WDR70: variants seen among roughly 807,000 people sequenced by gnomAD.
WDR70 encodes the protein WD repeat-containing protein 70.
A neutral mutation model predicts 88.6 loss-of-function variants in WDR70; 53 were observed. The observed-to-expected ratio is 0.60, with a 90% CI of 0.48 to 0.75. The LOEUF is 0.75. WDR70 is among the 30% of genes least tolerant of loss of function. The pLI is 0.00. For missense variants in WDR70, 610 were observed against 823.2 expected, an observed-to-expected ratio of 0.74 and a Z score of 3.17; for synonymous variants, 280 against 270.0, an observed-to-expected ratio of 1.04 and a Z score of -0.36.
At chr5:37,519,226 C>T (rs538184241) in intron 9 of WDR70, among the ~76,000 whole-genome samples, 1 of 152,158 alleles carries the variant, frequency 6.6e-6, no homozygotes, top group Admixed American at 6.5e-5. Context: ...GGTACACCTC[C>T]CAGATGGGGC....
intron 7 of WDR70, among the ~76,000 whole-genome samples, chr5:37,478,075 T>C (rs1386430723): frequency 6.6e-6 from 1 of 152,232 alleles, no homozygotes; most frequent in African/African-American, 2.4e-5. Context: ...GCATACCACT[T>C]ATCTGATCAA....
At position 37,509,803 on chromosome 5, in the gene WDR70, T is replaced by G. The variant is rs532420205; in HGVS notation, c.841-6711T>G. 2.0e-5 allele frequency among the ~76,000 whole-genome samples: 3 copies of G among 150,166 alleles called. No homozygotes were observed. The South Asian group carries it at 6.3e-4, about 31-fold the overall frequency. On this transcript the variant is annotated intron_variant, in intron 8 of 17. Transcript: ENST00000265107. ...CCCTATAGATTCTTTTTTTTTTTTT[T>G]TTTTTAACAGACTTTCCTTCACTGG...
rs190883838 is a variant in WDR70, at chr5:37,567,838, C to G, written c.918-37226C>G. Among the ~76,000 whole-genome samples, 475 of 152,198 alleles carry G rather than the reference C, an allele frequency of 3.1e-3. 1 individual carries two copies. The highest frequency in any genetic ancestry group is 0.011 in the African/African-American group (447 of 41,546). On this transcript the variant is annotated intron_variant, in intron 9 of 17. Coordinates refer to ENST00000265107, the MANE Select transcript of WDR70 (RefSeq NM_018034.4). Reference sequence around the variant, plus strand: ...TTCCCAAGCTGGAGTTAGGAGAGGTCGTTGTCAGGAGGATCCTGTAGCACT... The same window carrying G: ...TTCCCAAGCTGGAGTTAGGAGAGGTGGTTGTCAGGAGGATCCTGTAGCACT...
At chr5:37,565,064 T>G (rs1412262058) in intron 9 of WDR70, among the ~76,000 whole-genome samples, 1 of 152,168 alleles carries the variant, frequency 6.6e-6, no homozygotes, top group Non-Finnish European at 1.5e-5. Context: ...ACTTAACCAC[T>G]TTACATGACA....
intron 4 of WDR70, 46 bp downstream of exon 4, chr5:37,392,166 G>T: frequency 6.5e-7 from 1 of 1,537,498 alleles, no homozygotes; most frequent in Non-Finnish European, 8.7e-7. Context: ...CAGTTTCTAG[G>T]TGTTTATAGA....
chr5:37,436,613 G>C (rs576717705), intron 5 of WDR70, among the ~76,000 whole-genome samples: 3 of 152,170 alleles, frequency 2.0e-5, no homozygotes, highest in Admixed American at 1.3e-4. Flanking sequence ...GCCAAGAACT[G>C]TGCTAAGAAT....
chr5:37,418,686 T>G (rs1581263726), intron 5 of WDR70, among the ~76,000 whole-genome samples: 1 of 152,232 alleles, frequency 6.6e-6, no homozygotes, highest in Admixed American at 6.5e-5. Flanking sequence ...CAAAAATCTC[T>G]TGGCATATCT....
At chr5:37,660,116 AT>A (rs1745663418) in intron 10 of WDR70, among the ~76,000 whole-genome samples, 1 of 152,162 alleles carries the variant, frequency 6.6e-6, no homozygotes. Context: ...TAATCTGTTA[AT>A]TGATAGAAAT....
intron 6 of WDR70, among the ~76,000 whole-genome samples, chr5:37,440,601 TC>T (rs2112046258): frequency 6.6e-6 from 1 of 152,360 alleles, no homozygotes; most frequent in Admixed American, 6.5e-5. Flanking sequence ...TACCTCGGCC[TC>T]CCAAAGTGCT....
intron 17 of WDR70, among the ~76,000 whole-genome samples, chr5:37,730,857 G>A (rs1315651818): frequency 6.6e-6 from 1 of 151,926 alleles, no homozygotes. Context: ...CTCATTATTC[G>A]GCGCTATTTG....
chr5:37,710,376 C>T (rs1438982796), intron 13 of WDR70, among the ~76,000 whole-genome samples: 2 of 152,068 alleles, frequency 1.3e-5, no homozygotes, highest in Non-Finnish European at 2.9e-5. Flanking sequence ...CTCTTCCACC[C>T]CCAACTCCTA....
intron 17 of WDR70, among the ~76,000 whole-genome samples, chr5:37,747,594 A>G (rs976929517): frequency 1.3e-5 from 2 of 152,214 alleles, no homozygotes; most frequent in African/African-American, 4.8e-5. Context: ...CTGATACAAG[A>G]CAAGGATGCC....
At chr5:37,523,605 C>T (rs888053562) in intron 9 of WDR70, among the ~76,000 whole-genome samples, 1 of 152,170 alleles carries the variant, frequency 6.6e-6, no homozygotes, top group Non-Finnish European at 1.5e-5. Flanking sequence ...AGCTCTTCAC[C>T]AGCAATGGAA....
intron 9 of WDR70, among the ~76,000 whole-genome samples, chr5:37,521,723 CA>C (rs1741096853): frequency 6.6e-6 from 1 of 151,944 alleles, no homozygotes; most frequent in Non-Finnish European, 1.5e-5. Context: ...CACACACACA[CA>C]CACACACACA....
At chr5:37,581,472 G>A (rs28437282) in intron 9 of WDR70, among the ~76,000 whole-genome samples, 2,947 of 152,182 alleles carry the variant, frequency 0.019, 87 homozygotes, top group African/African-American at 0.067. Context: ...TGACTTCATT[G>A]TCCTCACCCT....
intron 5 of WDR70, 152 bp from the exon 6 acceptor site, chr5:37,437,770 A>G: frequency 1.6e-6 from 1 of 610,878 alleles, no homozygotes; most frequent in Non-Finnish European, 2.7e-6. Flanking sequence ...TAGAAAAAAG[A>G]TACTCTCACA....
intron 8 of WDR70, among the ~76,000 whole-genome samples, chr5:37,497,277 T>C (rs1740250128): frequency 6.9e-6 from 1 of 144,144 alleles, no homozygotes; most frequent in Non-Finnish European, 1.5e-5. Context: ...CCCTCCCTTT[T>C]CCCTCCCTTT....
chr5:37,422,956 C>A (rs76735836), intron 5 of WDR70, among the ~76,000 whole-genome samples: 2 of 151,950 alleles, frequency 1.3e-5, no homozygotes, highest in African/African-American at 2.4e-5. Context: ...AAACAAAATG[C>A]GGGAATGTTG....
At chr5:37,488,716 G>T (rs1296914370) in intron 8 of WDR70, among the ~76,000 whole-genome samples, 1 of 151,812 alleles carries the variant, frequency 6.6e-6, no homozygotes, top group Non-Finnish European at 1.5e-5. Flanking sequence ...CCTTTGTATT[G>T]TTTATCTGTG....
Sources: gnomAD v4.1 joint callset for allele counts (sites outside exome capture counted in the v4.1 genomes callset) on GRCh38, gnomAD v4.1.1 for gene constraint, MANE v1.5 for transcripts, NCBI Gene and HGNC (gene_info 2026-07-23, HGNC 2026-07-21) for gene names.